Variants in VPS50 observed in about 807,000 individuals in gnomAD.
The protein encoded by VPS50 is VPS50 subunit of EARP/GARPII complex, also known as syndetin.
Under a neutral mutation model 139.7 loss-of-function variants are expected in VPS50, and 70 were observed. The ratio of observed to expected loss-of-function variants is 0.50; its 90% CI spans 0.41 to 0.61. The LOEUF (loss-of-function observed/expected upper bound fraction) is 0.61. Ranked by LOEUF, VPS50 falls within the 20% of genes least tolerant of loss-of-function variation. The pLI, the probability that VPS50 is intolerant of heterozygous loss-of-function variation, is 0.00. For synonymous variants in VPS50, 365 were observed against 376.7 expected (o/e 0.97, Z 0.36); for missense variants, 921 against 1,133.7 (o/e 0.81, Z 2.69).
chr7:93,254,346 T>A (rs999722024), intron 4 of VPS50, among the ~76,000 whole-genome samples: 1 of 152,234 alleles, frequency 6.6e-6, no homozygotes, highest in Non-Finnish European at 1.5e-5. Context: ...CATGGCTCAC[T>A]GCAGCCTCTC....
At chr7:93,302,738 A>G (rs1797012817) in intron 16 of VPS50, among the ~76,000 whole-genome samples, 1 of 152,060 alleles carries the variant, frequency 6.6e-6, no homozygotes, top group African/African-American at 2.4e-5. Context: ...GGTAGTAACA[A>G]CTTGTGGTAG....
chr7:93,332,992 A>G (rs1220772930), intron 21 of VPS50, among the ~76,000 whole-genome samples: 1 of 152,120 alleles, frequency 6.6e-6, no homozygotes, highest in Non-Finnish European at 1.5e-5. Flanking sequence ...GTATGAGGAC[A>G]TTTTTAAGGG....
chr7:93,349,952 G>A lies in VPS50; in HGVS notation c.2382G>A (p.Met794Ile). 6.2e-7 allele frequency: 1 copy of A among 1,612,746 alleles called. No homozygotes were observed. The highest frequency in any genetic ancestry group is 8.5e-7 in the Non-Finnish European group (1 of 1,178,868). The change falls in exon 25 of 28, where the codon ATG becomes ATA. Residue 794 changes from methionine to isoleucine, a missense_variant. Physicochemically the swap from Met to Ile is conservative, Grantham distance 10. Transcript: ENST00000305866. ...GTAAAGCCCTTGATTATGAACAGAT[G>A]CTGCTTCTCATGGCTAATGTGAAAT... ...VAGKALDYEQ[M>I]LLLMANVKWD...
At chr7:93,283,416 A>T (rs1796388655) in intron 12 of VPS50, among the ~76,000 whole-genome samples, 2 of 151,728 alleles carry the variant, frequency 1.3e-5, no homozygotes, top group African/African-American at 4.8e-5. Flanking sequence ...TTGTATTTTG[A>T]TTAGAGACGA....
chr7:93,316,601 G>C (rs1182396112), intron 20 of VPS50, among the ~76,000 whole-genome samples: 3 of 152,184 alleles, frequency 2.0e-5, no homozygotes, highest in Non-Finnish European at 2.9e-5. Context: ...CAGATTTTAG[G>C]TTTGTGTGAT....
intron 9 of VPS50, among the ~76,000 whole-genome samples, chr7:93,261,693 A>G (rs1485982187): frequency 5.3e-5 from 8 of 151,546 alleles, no homozygotes; most frequent in Non-Finnish European, 8.8e-5. Flanking sequence ...AAAAAAAAAA[A>G]AAAAAAGAAA....
rs779281256 is a variant in VPS50 at position 93,311,171 on chromosome 7, C to A, written c.1754C>A (p.Ser585Tyr). ...QTGDGPVKSV[S>Y]RETLKSRKKS... is the part of the protein sequence containing the mutation. Reference sequence around the variant, plus strand: ...TTTTGTTTTTCCATATCAAGTGTTTCTCGGGAAACTCTAAAAAGCAGGAAG... The same window carrying A: ...TTTTGTTTTTCCATATCAAGTGTTTATCGGGAAACTCTAAAAAGCAGGAAG... The change falls in exon 20 of 28, where the codon TCT (serine) becomes TAT (tyrosine). Residue 585 changes from serine (S) to tyrosine (Y), a missense_variant. Ser to Tyr is a moderately radical substitution (Grantham distance 144). Coordinates refer to ENST00000305866, the MANE Select transcript of VPS50 (RefSeq NM_017667.4). 9 of 1,217,120 alleles carry A rather than the reference C, an allele frequency of 7.4e-6. No individual in the cohort carries two copies. In the South Asian group the frequency reaches 8.4e-5, roughly 11 times the overall value. 75.4% of individuals were successfully genotyped at this position (1,217,120 alleles called of 1,614,324 possible). A position where few individuals can be genotyped will look rare whatever the true frequency, so the allele number is the denominator to read the frequency against.
chr7:93,322,160 CATCT>C (rs1236858101), intron 20 of VPS50, among the ~76,000 whole-genome samples: 1 of 152,096 alleles, frequency 6.6e-6, no homozygotes, highest in Non-Finnish European at 1.5e-5. Context: ...TCTTCTTGAC[CATCT>C]ATTATTTAAA....
At chr7:93,253,541 G>A (rs896808458) in intron 3 of VPS50, among the ~76,000 whole-genome samples, 2 of 152,196 alleles carry the variant, frequency 1.3e-5, no homozygotes, top group African/African-American at 4.8e-5. Flanking sequence ...TCCTGTCACA[G>A]GCCGTGGCAG....
At position 93,252,648 on chromosome 7, in the gene VPS50, T is replaced by C. The variant is rs577068761; in HGVS notation, c.103-5T>C. ...TACTATAATTGTGATTTTTTTTTCT[T>C]AAAGGAAGAATTCAGGGAACTTCGA... On this transcript the variant is annotated splice_polypyrimidine_tract_variant and splice_region_variant and intron_variant, in intron 2 of 27. Transcript: ENST00000305866. 1.3e-6 allele frequency: 2 copies of C among 1,582,074 alleles called. No individual in the cohort carries two copies. Among genetic ancestry groups the C allele is most frequent in the African/African-American group, 1.4e-5 (1 of 73,588 alleles).
chr7:93,341,395 T>G (rs1412882488), intron 22 of VPS50, 32 bp from the exon 23 acceptor site: 4 of 1,515,940 alleles, frequency 2.6e-6, no homozygotes, highest in Non-Finnish European at 3.6e-6. Context: ...TTAGATTTGT[T>G]ATTCCAGGTT....
chr7:93,299,220 C>T (rs968270749), intron 16 of VPS50, among the ~76,000 whole-genome samples: 1 of 152,090 alleles, frequency 6.6e-6, no homozygotes, highest in Non-Finnish European at 1.5e-5. Context: ...TGGTGCAAAC[C>T]ATCAATGTGT....
chr7:93,282,277 G>A (rs1052054858), intron 12 of VPS50, among the ~76,000 whole-genome samples: 10 of 151,242 alleles, frequency 6.6e-5, no homozygotes, highest in Non-Finnish European at 1.3e-4. Context: ...ATGACCAAAC[G>A]GTATTTCACT....
intron 23 of VPS50, among the ~76,000 whole-genome samples, chr7:93,344,383 G>A (rs1472555431): frequency 5.3e-5 from 8 of 152,144 alleles, no homozygotes; most frequent in Non-Finnish European, 1.2e-4. Flanking sequence ...TTAATAATGG[G>A]AGACTTTAAC....
At chr7:93,246,085 T>C (rs1300258901) in intron 2 of VPS50, 2 of 1,499,898 alleles carry the variant, frequency 1.3e-6, no homozygotes, top group South Asian at 2.4e-5. Context: ...AACGCTTCTT[T>C]TTTTTTTTGC....
At chr7:93,239,787 C>A in intron 1 of VPS50, 79 bp from the exon 2 acceptor site, 1 of 788,292 alleles carries the variant, frequency 1.3e-6, no homozygotes, top group Non-Finnish European at 2.2e-6. Context: ...GTGGTCATTT[C>A]TGTTTCAGTA....
Position 93,260,526 on chromosome 7 carries a change from TAA to T in VPS50, c.659+895_659+896del, listed in dbSNP as rs1449209935. Among the ~76,000 whole-genome samples the T allele has an allele frequency of 2.6e-5, 4 of 152,236 alleles. No individual in the cohort carries two copies. In the East Asian group the frequency reaches 5.8e-4, roughly 22 times the overall value. On this transcript the variant is annotated intron_variant, in intron 9 of 27. Transcript: ENST00000305866. ...ATTATAATAGAGCAAAACATTAATA[TAA>T]GTTTGAATTAATTTTTAAAAAATTA...
chr7:93,348,818 G>A lies in VPS50; in HGVS notation c.2304+11G>A, dbSNP rs200942007. 737 of 1,526,108 alleles carry A rather than the reference G, an allele frequency of 4.8e-4. No homozygotes were observed. The highest frequency in any genetic ancestry group is 6.4e-4 in the Non-Finnish European group (704 of 1,100,754). 94.5% of individuals were successfully genotyped at this position (1,526,108 alleles called of 1,614,324 possible). ...CAGTTCTATTCTCAGGTCAGACATG[G>A]TCTTGTATGTCATTTCAACTGTGAG... On this transcript the variant is annotated intron_variant, in intron 24 of 27. Transcript: ENST00000305866.
chr7:93,323,599 T>G lies in VPS50; in HGVS notation c.1856-12T>G, dbSNP rs762137441. On this transcript the variant is annotated splice_polypyrimidine_tract_variant and intron_variant, in intron 20 of 27. Coordinates refer to ENST00000305866, the MANE Select transcript of VPS50 (RefSeq NM_017667.4). ...TTGTTCTGCTTAATTTTTTATTCTT[T>G]TTTCTTTTCAGGAAAATATATGCAG... The G allele has an allele frequency of 8.3e-7, 1 of 1,197,994 alleles. No individual in the cohort carries two copies. 74.2% of individuals were successfully genotyped at this position (1,197,994 alleles called of 1,614,324 possible).
Sources: allele counts gnomAD v4.1 joint callset (sites outside exome capture counted in the v4.1 genomes callset), GRCh38; gene constraint gnomAD v4.1.1; transcripts MANE v1.5; gene names NCBI Gene and HGNC (gene_info 2026-07-23, HGNC 2026-07-21).